XKR4: variants seen among roughly 807,000 people sequenced by gnomAD.
XKR4 encodes the protein XK-related protein 4.
Under a neutral mutation model 53.9 loss-of-function variants are expected in XKR4, and 12 were observed. That is an observed-to-expected ratio of 0.22 (90% CI 0.14 to 0.36). XKR4 has a LOEUF of 0.36. XKR4 is among the 10% of genes least tolerant of loss of function. The pLI, the probability that XKR4 is intolerant of heterozygous loss-of-function variation, is 1.00. For synonymous variants in XKR4, 354 were observed against 362.4 expected, an observed-to-expected ratio of 0.98 and a Z score of 0.26; for missense variants, 799 against 859.5, an observed-to-expected ratio of 0.93 and a Z score of 0.88.
intron 1 of XKR4, among the ~76,000 whole-genome samples, chr8:55,204,322 G>A (rs998039468): frequency 6.6e-6 from 1 of 152,090 alleles, no homozygotes; most frequent in Non-Finnish European, 1.5e-5. Flanking sequence ...CATTAAAAAT[G>A]GAATTAAATG....
Position 55,330,579 on chromosome 8 carries a change from G to A in XKR4, c.807-27099G>A, listed in dbSNP as rs955294097. Among the ~76,000 whole-genome samples, 9 of 152,100 alleles carry A rather than the reference G, an allele frequency of 5.9e-5. No homozygotes were observed. The East Asian group carries it at 1.5e-3, about 26-fold the overall frequency. On this transcript the variant is annotated intron_variant, in intron 1 of 2. Transcript: ENST00000327381. ...CCTCTTAATGTCATGGATTTGAAGG[G>A]TTGCTTCTTCTACCCAAAACAACTG...
intron 1 of XKR4, among the ~76,000 whole-genome samples, chr8:55,126,548 A>G (rs1452791201): frequency 6.6e-6 from 1 of 152,224 alleles, no homozygotes; most frequent in African/African-American, 2.4e-5. Flanking sequence ...TTAGAAGGCA[A>G]AATTGTGCTT....
rs2129406682 is a variant in XKR4 at position 55,531,309 on chromosome 8, T to A, written c.*7082T>A. 6.6e-6 allele frequency: 1 copy of A among 152,314 alleles called. No homozygotes were observed. Among genetic ancestry groups the A allele is most frequent in the Admixed American group, 6.5e-5 (1 of 15,306 alleles). 9.4% of individuals were successfully genotyped at this position (152,314 alleles called of 1,614,324 possible). A position where few individuals can be genotyped will look rare whatever the true frequency, so the allele number is the denominator to read the frequency against. ...TACTGTACCGAATACTGTAGGCAACTGTAACACCATGGTAAGTACTTGTGT... is the reference window on the plus strand; with the variant it reads ...TACTGTACCGAATACTGTAGGCAACAGTAACACCATGGTAAGTACTTGTGT... On this transcript the variant is annotated 3_prime_UTR_variant, in exon 3 of 3. Transcript: ENST00000327381.
chr8:55,151,425 T>C (rs1214394837), intron 1 of XKR4, among the ~76,000 whole-genome samples: 1 of 152,206 alleles, frequency 6.6e-6, no homozygotes, highest in Non-Finnish European at 1.5e-5. Flanking sequence ...CTTCTGTCTC[T>C]CCTCATTGTC....
At chr8:55,207,020 G>T (rs1585938921) in intron 1 of XKR4, among the ~76,000 whole-genome samples, 1 of 152,190 alleles carries the variant, frequency 6.6e-6, no homozygotes, top group South Asian at 2.1e-4. Context: ...GATCCACTTG[G>T]CATTTCTACT....
intron 1 of XKR4, among the ~76,000 whole-genome samples, chr8:55,291,853 T>G (rs1441092483): frequency 6.6e-6 from 1 of 152,178 alleles, no homozygotes; most frequent in Non-Finnish European, 1.5e-5. Context: ...GAGGAAGTAC[T>G]TCTTTATTCT....
intron 2 of XKR4, among the ~76,000 whole-genome samples, chr8:55,423,097 A>G (rs1227556316): frequency 2.0e-5 from 3 of 146,982 alleles, no homozygotes; most frequent in Admixed American, 2.0e-4. Flanking sequence ...CCAAATCTTG[A>G]CACTTTTTTT....
At position 55,523,712 on chromosome 8, in the gene XKR4, G is replaced by C. The variant is rs773021217; in HGVS notation, c.1438G>C (p.Ala480Pro). Reference protein sequence around the residue: ...ALSALWYLYKAPQIADAFAIP... With the variant: ...ALSALWYLYKPPQIADAFAIP... The stretch of plus-strand genomic sequence containing the variant: ...GAGTGCCCTCTGGTACCTCTACAAG[G>C]CTCCCCAGATTGCAGACGCATTTGC... The change falls in exon 3 of 3, where the codon GCT (alanine) becomes CCT (proline). Residue 480 changes from alanine to proline, a missense_variant. By Grantham distance (27) the Ala-to-Pro change is conservative. Around this residue, in one of 3 missense-constraint regions of XKR4, gnomAD observed 269 missense variants for 264.4 expected, o/e 1.02. Coordinates refer to ENST00000327381, the MANE Select transcript of XKR4 (RefSeq NM_052898.2). The C allele has an allele frequency of 4.3e-6, 7 of 1,614,004 alleles. No homozygotes were observed. Among genetic ancestry groups the C allele is most frequent in the Non-Finnish European group, 5.9e-6 (7 of 1,180,026 alleles).
At chr8:55,511,419 G>T (rs1806623986) in intron 2 of XKR4, among the ~76,000 whole-genome samples, 1 of 152,192 alleles carries the variant, frequency 6.6e-6, no homozygotes, top group Non-Finnish European at 1.5e-5. Flanking sequence ...GGTTTGGACA[G>T]GCATTCCCTC....
rs140612322 is a variant in XKR4 at position 55,342,079 on chromosome 8, A to G, written c.807-15599A>G. ...AAGCATGTCAAACTTAAACTGTCCA[A>G]AGCTCATCATGATCTGTGGATCTCG... On this transcript the variant is annotated intron_variant, in intron 1 of 2. Transcript: ENST00000327381. 3.4e-3 allele frequency among the ~76,000 whole-genome samples: 521 copies of G among 151,916 alleles called. 4 individuals carry two copies. The highest frequency in any genetic ancestry group is 0.012 in the African/African-American group (501 of 41,412).
chr8:55,506,300 AATAG>A (rs958229865), intron 2 of XKR4, among the ~76,000 whole-genome samples: 1 of 152,258 alleles, frequency 6.6e-6, no homozygotes, highest in Non-Finnish European at 1.5e-5. Context: ...CTAGAGATCA[AATAG>A]ATAGGCCTGA....
At chr8:55,143,030 T>C (rs1816727060) in intron 1 of XKR4, among the ~76,000 whole-genome samples, 1 of 152,230 alleles carries the variant, frequency 6.6e-6, no homozygotes, top group African/African-American at 2.4e-5. Context: ...CAAGATATAT[T>C]CATTTTTGTC....
chr8:55,399,203 C>A (rs777971384), intron 2 of XKR4, among the ~76,000 whole-genome samples: 6 of 152,178 alleles, frequency 3.9e-5, no homozygotes, highest in Non-Finnish European at 8.8e-5. Context: ...TTTGTCCCAA[C>A]AGGACTGCAT....
chr8:55,220,265 G>A (rs1817863825), intron 1 of XKR4, among the ~76,000 whole-genome samples: 1 of 151,752 alleles, frequency 6.6e-6, no homozygotes, highest in Non-Finnish European at 1.5e-5. Context: ...TTCATTTTTT[G>A]GCCTGTGTAA....
intron 1 of XKR4, among the ~76,000 whole-genome samples, chr8:55,145,882 G>A (rs79325004): frequency 0.041 from 6,187 of 152,292 alleles, 177 homozygotes; most frequent in Non-Finnish European, 0.064. Context: ...GGAGATTTGA[G>A]TGGTTTCATG....
At chr8:55,453,119 C>A in intron 2 of XKR4, 1 of 536,906 alleles carries the variant, frequency 1.9e-6, no homozygotes, top group Non-Finnish European at 3.7e-6. Context: ...GTCTGCATGT[C>A]CCAGTAGAAC....
chr8:55,451,709 T>G (rs1805449992), intron 2 of XKR4: 1 of 1,323,310 alleles, frequency 7.6e-7, no homozygotes, highest in Non-Finnish European at 1.1e-6. Flanking sequence ...ATGGCATGCA[T>G]GCGGTTGACC....
At chr8:55,344,695 G>A (rs531490761) in intron 1 of XKR4, among the ~76,000 whole-genome samples, 3 of 152,122 alleles carry the variant, frequency 2.0e-5, no homozygotes, top group Non-Finnish European at 4.4e-5. Flanking sequence ...GAGGCGATGC[G>A]AGTGCATAGA....
chr8:55,128,487 G>A (rs1376700991), intron 1 of XKR4, among the ~76,000 whole-genome samples: 1 of 152,136 alleles, frequency 6.6e-6, no homozygotes, highest in African/African-American at 2.4e-5. Flanking sequence ...TGTGTCTCTG[G>A]ATGAAGACAC....
Sources: gnomAD v4.1 joint callset for allele counts (sites outside exome capture counted in the v4.1 genomes callset) on GRCh38, gnomAD v4.1.1 for gene constraint, gnomAD v4.1.1 regional missense constraint, MANE v1.5 for transcripts, NCBI Gene and HGNC (gene_info 2026-07-23, HGNC 2026-07-21) for gene names.